KCTD8: variants seen among roughly 807,000 people sequenced by gnomAD.
The protein encoded by KCTD8 is BTB/POZ domain-containing protein KCTD8.
A neutral mutation model predicts 31.5 loss-of-function variants in KCTD8; 27 were observed. The observed-to-expected ratio is 0.86, with a 90% CI of 0.63 to 1.18. KCTD8 has a LOEUF of 1.18. Among genes scored for constraint, KCTD8 ranks in the 50% most tolerant of loss-of-function variants. KCTD8 has a pLI of 0.00. For synonymous variants in KCTD8, 290 were observed against 280.0 expected, an observed-to-expected ratio of 1.04 and a Z score of -0.36; for missense variants, 658 against 647.7, an observed-to-expected ratio of 1.02 and a Z score of -0.17.
At chr4:44,309,415 C>T (rs1391206215) in intron 1 of KCTD8, among the ~76,000 whole-genome samples, 1 of 152,028 alleles carries the variant, frequency 6.6e-6, no homozygotes, top group Non-Finnish European at 1.5e-5. Context: ...TTAAAACTGT[C>T]TTAGATTCAA....
intron 1 of KCTD8, among the ~76,000 whole-genome samples, chr4:44,222,640 G>C (rs568312003): frequency 6.6e-6 from 1 of 152,136 alleles, no homozygotes; most frequent in Non-Finnish European, 1.5e-5. Flanking sequence ...GCAACTTCAC[G>C]TCCACCTTTG....
intron 1 of KCTD8, among the ~76,000 whole-genome samples, chr4:44,351,995 A>T (rs1719216434): frequency 6.6e-6 from 1 of 151,998 alleles, no homozygotes; most frequent in South Asian, 2.1e-4. Context: ...ATTGGTAATG[A>T]ATATTTGACA....
intron 1 of KCTD8, among the ~76,000 whole-genome samples, chr4:44,429,499 G>A (rs73179327): frequency 0.13 from 19,922 of 151,726 alleles, 2,631 homozygotes; most frequent in African/African-American, 0.33. Context: ...GCATGCTGAG[G>A]ACAACAAGCC....
intron 1 of KCTD8, among the ~76,000 whole-genome samples, chr4:44,310,850 C>T (rs1717929920): frequency 1.3e-5 from 2 of 152,036 alleles, no homozygotes; most frequent in African/African-American, 2.4e-5. Context: ...GCAGACACTA[C>T]ATATAAATTA....
intron 1 of KCTD8, among the ~76,000 whole-genome samples, chr4:44,353,850 C>T (rs1019227671): frequency 6.6e-6 from 1 of 152,074 alleles, no homozygotes; most frequent in Non-Finnish European, 1.5e-5. Context: ...CTCTATTCCA[C>T]AAATAGTTGT....
chr4:44,429,745 G>A (rs1577668742), intron 1 of KCTD8, among the ~76,000 whole-genome samples: 2 of 151,768 alleles, frequency 1.3e-5, no homozygotes, highest in African/African-American at 4.8e-5. Context: ...AAAATAAAAG[G>A]AATAATCATT....
intron 1 of KCTD8, among the ~76,000 whole-genome samples, chr4:44,334,558 G>A (rs1454172485): frequency 6.6e-6 from 1 of 151,948 alleles, no homozygotes; most frequent in Non-Finnish European, 1.5e-5. Context: ...GTCTGATAGG[G>A]ATTAAATTAT....
intron 1 of KCTD8, among the ~76,000 whole-genome samples, chr4:44,175,644 C>T (rs888287730): frequency 6.6e-6 from 1 of 152,064 alleles, no homozygotes; most frequent in South Asian, 2.1e-4. Flanking sequence ...CATTTTTGTT[C>T]TACCCACTGC....
chr4:44,331,728 G>A (rs1718594469), intron 1 of KCTD8, among the ~76,000 whole-genome samples: 1 of 148,266 alleles, frequency 6.7e-6, no homozygotes, highest in Non-Finnish European at 1.5e-5. Flanking sequence ...CATATATATA[G>A]TTTTATATAT....
chr4:44,383,391 A>T (rs1055925288), intron 1 of KCTD8, among the ~76,000 whole-genome samples: 21 of 152,076 alleles, frequency 1.4e-4, no homozygotes, highest in Admixed American at 2.6e-4. Context: ...ACAAAGCCAG[A>T]GGCATCACAC....
chr4:44,414,908 G>A (rs1721038586), intron 1 of KCTD8, among the ~76,000 whole-genome samples: 1 of 152,062 alleles, frequency 6.6e-6, no homozygotes, highest in East Asian at 1.9e-4. Flanking sequence ...CCTTGGAACT[G>A]GGTAACAGGT....
intron 1 of KCTD8, among the ~76,000 whole-genome samples, chr4:44,191,194 T>C (rs984144747): frequency 6.6e-6 from 1 of 152,222 alleles, no homozygotes; most frequent in Non-Finnish European, 1.5e-5. Flanking sequence ...GTATTGCTTC[T>C]CTATTAATAT....
At chr4:44,369,924 CTTA>C (rs1212683108) in intron 1 of KCTD8, among the ~76,000 whole-genome samples, 1 of 152,114 alleles carries the variant, frequency 6.6e-6, no homozygotes, top group East Asian at 1.9e-4. Flanking sequence ...CAATATCATA[CTTA>C]TTGGCTAGAA....
chr4:44,364,592 A>G (rs1356430299), intron 1 of KCTD8, among the ~76,000 whole-genome samples: 1 of 152,180 alleles, frequency 6.6e-6, no homozygotes, highest in Non-Finnish European at 1.5e-5. Flanking sequence ...TTGAAAACTT[A>G]TGTCCATACA....
chr4:44,359,137 C>A (rs1025182363), intron 1 of KCTD8, among the ~76,000 whole-genome samples: 4 of 152,222 alleles, frequency 2.6e-5, no homozygotes, highest in Admixed American at 2.6e-4. Flanking sequence ...ATGATAGTTT[C>A]TTTTGCTGTG....
intron 1 of KCTD8, among the ~76,000 whole-genome samples, chr4:44,254,971 T>C (rs537526741): frequency 2.6e-5 from 4 of 151,898 alleles, no homozygotes; most frequent in Non-Finnish European, 5.9e-5. Context: ...TATACTTGTC[T>C]CTGCCAGTGT....
intron 1 of KCTD8, among the ~76,000 whole-genome samples, chr4:44,302,602 C>G (rs1717661953): frequency 6.6e-6 from 1 of 151,974 alleles, no homozygotes; most frequent in Non-Finnish European, 1.5e-5. Context: ...TACTTATCAG[C>G]TTAAGGAGAT....
intron 1 of KCTD8, among the ~76,000 whole-genome samples, chr4:44,305,115 T>G (rs112018728): frequency 6.6e-6 from 1 of 152,170 alleles, no homozygotes; most frequent in African/African-American, 2.4e-5. Flanking sequence ...TAAATATTCA[T>G]GTTAAAATAA....
At chr4:44,360,625 G>A (rs1034251039) in intron 1 of KCTD8, among the ~76,000 whole-genome samples, 2 of 151,960 alleles carry the variant, frequency 1.3e-5, no homozygotes, top group Non-Finnish European at 1.5e-5. Flanking sequence ...AAAACAGAAT[G>A]AAAAGGCAAT....
Sources: gnomAD v4.1 joint callset for allele counts (sites outside exome capture counted in the v4.1 genomes callset) on GRCh38, gnomAD v4.1.1 for gene constraint, MANE v1.5 for transcripts, NCBI Gene and HGNC (gene_info 2026-07-23, HGNC 2026-07-21) for gene names.